Variants in CSMD1 observed in about 807,000 individuals in gnomAD.
The protein encoded by CSMD1 is CUB and Sushi multiple domains 1, also known as CUB and sushi domain-containing protein 1.
CSMD1 carries 213 observed loss-of-function variants against 417.5 expected under a neutral mutation model. The ratio of observed to expected loss-of-function variants is 0.51; its 90% CI spans 0.46 to 0.57. The LOEUF is 0.57. Among genes scored for constraint, CSMD1 ranks in the 20% least tolerant of loss-of-function variants. CSMD1 has a pLI of 0.00. For synonymous variants in CSMD1, 2,862 were observed against 1,736.8 expected (o/e 1.65, Z -16.11); for missense variants, 6,923 against 4,529.7 (o/e 1.53, Z -15.17).
chr8:3,305,627 G>A (rs1225049413), intron 25 of CSMD1, among the ~76,000 whole-genome samples: 1 of 151,874 alleles, frequency 6.6e-6, no homozygotes, highest in Admixed American at 6.6e-5. Context: ...CCATGCCCTT[G>A]GACTTCCCAT....
chr8:4,435,966 A>G (rs183302449), intron 2 of CSMD1, among the ~76,000 whole-genome samples: 48 of 152,304 alleles, frequency 3.2e-4, no homozygotes, highest in Non-Finnish European at 5.7e-4. Context: ...ACATCCACAC[A>G]TCACCATCTA....
chr8:4,193,455 T>G (rs984715061), intron 3 of CSMD1, among the ~76,000 whole-genome samples: 3 of 152,138 alleles, frequency 2.0e-5, no homozygotes, highest in African/African-American at 7.2e-5. Flanking sequence ...CCAGGTCATG[T>G]TTTCCCTGGA....
At chr8:3,772,922 A>G (rs900222252) in intron 5 of CSMD1, among the ~76,000 whole-genome samples, 10 of 152,030 alleles carry the variant, frequency 6.6e-5, no homozygotes, top group Admixed American at 1.3e-4. Context: ...AGACATGTTT[A>G]TGGCTCACAG....
chr8:3,524,275 G>A (rs192476527), intron 10 of CSMD1, among the ~76,000 whole-genome samples: 7 of 125,632 alleles, frequency 5.6e-5, no homozygotes, highest in South Asian at 5.3e-4. Context: ...ACACACACAC[G>A]CACATATACA....
In CSMD1 at chr8:3,652,058, G is replaced by A. The variant is rs371290308; in HGVS notation, c.1010-35261C>T. On this transcript the variant is annotated intron_variant, in intron 7 of 69. Transcript: ENST00000635120. ...TACCATCACAGCACCCACCACCATC[G>A]CACTTACCCCCATCAGAGCGCTTAC... Among the ~76,000 whole-genome samples the A allele has an allele frequency of 3.4e-3, 489 of 142,368 alleles. 5 individuals are homozygous for A. Among genetic ancestry groups the A allele is most frequent in the African/African-American group, 0.013 (476 of 37,638 alleles). 93.4% of individuals were successfully genotyped at this position (142,368 alleles called of 152,430 possible). A position where few individuals can be genotyped will look rare whatever the true frequency, so the allele number is the denominator to read the frequency against.
intron 3 of CSMD1, among the ~76,000 whole-genome samples, chr8:4,138,870 T>C (rs979315469): frequency 7.2e-5 from 11 of 152,282 alleles, no homozygotes; most frequent in Admixed American, 3.3e-4. Context: ...AATTATTTAA[T>C]AGGAAGGTTA....
intron 25 of CSMD1, among the ~76,000 whole-genome samples, chr8:3,301,101 G>A (rs1053639663): frequency 6.6e-6 from 1 of 151,950 alleles, no homozygotes; most frequent in Non-Finnish European, 1.5e-5. Flanking sequence ...GATGTCTATA[G>A]GGGAATAATA....
chr8:4,634,455 A>G (rs776863257), intron 2 of CSMD1, among the ~76,000 whole-genome samples: 8 of 152,164 alleles, frequency 5.3e-5, no homozygotes, highest in Non-Finnish European at 7.4e-5. Context: ...TAACAGAAAA[A>G]CTGTTTTGGT....
At chr8:3,931,960 T>C (rs774640713) in intron 5 of CSMD1, among the ~76,000 whole-genome samples, 2 of 149,704 alleles carry the variant, frequency 1.3e-5, no homozygotes, top group Non-Finnish European at 3.0e-5. Flanking sequence ...AAAAGGACTT[T>C]TTAAAAAATT....
intron 22 of CSMD1, among the ~76,000 whole-genome samples, chr8:3,346,218 A>G (rs1416390249): frequency 6.6e-6 from 1 of 152,184 alleles, no homozygotes; most frequent in Non-Finnish European, 1.5e-5. Flanking sequence ...TTTAAAAACA[A>G]CTTTTTGTTA....
intron 1 of CSMD1, among the ~76,000 whole-genome samples, chr8:4,668,628 T>A (rs1041996343): frequency 4.0e-5 from 6 of 151,698 alleles, no homozygotes; most frequent in Non-Finnish European, 8.8e-5. Flanking sequence ...TTTTTTGCAT[T>A]TTTAGTAGAG....
chr8:4,372,582 A>G (rs1207575653), intron 3 of CSMD1, among the ~76,000 whole-genome samples: 1 of 151,936 alleles, frequency 6.6e-6, no homozygotes, highest in Non-Finnish European at 1.5e-5. Context: ...GGTTTGAGGT[A>G]CACTTAAAAC....
At position 3,457,932 on chromosome 8, in the gene CSMD1, G is replaced by C. The variant is rs1394360971; in HGVS notation, c.1561+10780C>G. On this transcript the variant is annotated intron_variant, in intron 12 of 69. Transcript: ENST00000635120. ...CAGCCATATGGCTGGAAAAAAATAG[G>C]AAGCTCATTCCAATTACAGAGCCTA... Among the ~76,000 whole-genome samples the C allele has an allele frequency of 7.2e-5, 11 of 152,120 alleles. 1 individual carries two copies. The highest frequency in any genetic ancestry group is 7.2e-4 in the Admixed American group (11 of 15,280).
chr8:4,839,376 A>G (rs1270472553), intron 1 of CSMD1, among the ~76,000 whole-genome samples: 1 of 152,222 alleles, frequency 6.6e-6, no homozygotes, highest in East Asian at 1.9e-4. Context: ...TAATTATGTC[A>G]AAGTATCACA....
chr8:4,288,745 G>T (rs1056674293), intron 3 of CSMD1, among the ~76,000 whole-genome samples: 5 of 152,094 alleles, frequency 3.3e-5, no homozygotes, highest in Admixed American at 2.0e-4. Context: ...TCTCTCAGAT[G>T]GTCAACCTCC....
intron 1 of CSMD1, among the ~76,000 whole-genome samples, chr8:4,746,327 T>A (rs751328017): frequency 6.6e-6 from 1 of 152,200 alleles, no homozygotes; most frequent in Non-Finnish European, 1.5e-5. Context: ...ATAGCGACTG[T>A]AGGCACTTTG....
intron 2 of CSMD1, among the ~76,000 whole-genome samples, chr8:4,569,971 T>C (rs950877110): frequency 4.6e-5 from 7 of 152,340 alleles, no homozygotes; most frequent in Middle Eastern, 3.4e-3. Flanking sequence ...ATGCTTGTGA[T>C]TTTTGCACAT....
chr8:3,951,260 G>A (rs544762838), intron 5 of CSMD1, among the ~76,000 whole-genome samples: 2 of 152,170 alleles, frequency 1.3e-5, no homozygotes, highest in Admixed American at 6.5e-5. Context: ...TGAGGCCAGA[G>A]TGGATTTCCT....
chr8:3,621,823 G>A (rs1437566169), intron 7 of CSMD1, among the ~76,000 whole-genome samples: 1 of 151,656 alleles, frequency 6.6e-6, no homozygotes, highest in East Asian at 1.9e-4. Context: ...TGCCCAGGCT[G>A]GTCTCAAACT....
Sources: allele counts gnomAD v4.1 joint callset (sites outside exome capture counted in the v4.1 genomes callset), GRCh38; gene constraint gnomAD v4.1.1; transcripts MANE v1.5; gene names NCBI Gene and HGNC (gene_info 2026-07-23, HGNC 2026-07-21).